SLC71A2: variants seen among roughly 807,000 people sequenced by gnomAD.
The protein encoded by SLC71A2 is solute carrier family 71 member 2, also known as hippocampus abundant transcript-like 1.
the SLC71A2 span, among the ~76,000 whole-genome samples, chr9:94,424,246 G>T: frequency 1.3e-5 from 2 of 148,878 alleles, no homozygotes; most frequent in East Asian, 1.9e-4. Context: ...TTTTGGCGGA[G>T]GGGGGAGCAA....
the SLC71A2 span, among the ~76,000 whole-genome samples, chr9:94,444,274 G>T: frequency 2.2e-4 from 33 of 152,328 alleles, no homozygotes; most frequent in African/African-American, 6.5e-4. Context: ...GGTGGCTTCA[G>T]GTTGTGGGTG....
At chr9:94,430,264 C>G in the SLC71A2 span, among the ~76,000 whole-genome samples, 1 of 149,990 alleles carries the variant, frequency 6.7e-6, no homozygotes, top group African/African-American at 2.5e-5. Flanking sequence ...GCTCTGTTGC[C>G]CAGGCTGGAG....
At chr9:94,400,809 A>G in the SLC71A2 span, among the ~76,000 whole-genome samples, 2 of 152,144 alleles carry the variant, frequency 1.3e-5, no homozygotes, top group African/African-American at 2.4e-5. Context: ...CCGTTTACCT[A>G]TCATTAAAAT....
the SLC71A2 span, among the ~76,000 whole-genome samples, chr9:94,417,761 C>T: frequency 6.6e-6 from 1 of 151,148 alleles, no homozygotes; most frequent in Non-Finnish European, 1.5e-5. Flanking sequence ...TAATGCTTTT[C>T]ATCACGTTTG....
the SLC71A2 span, among the ~76,000 whole-genome samples, chr9:94,410,077 G>A: frequency 4.6e-5 from 7 of 151,452 alleles, no homozygotes; most frequent in Admixed American, 2.6e-4. Flanking sequence ...TATTGATGCC[G>A]GTAGGTGAGG....
chr9:94,456,212 C>T, the SLC71A2 span: 1 of 1,572,838 alleles, frequency 6.4e-7, no homozygotes, highest in African/African-American at 1.3e-5. Context: ...TGACCTGCTG[C>T]CTGACTGTGC....
At chr9:94,459,915 T>TA in the SLC71A2 span, 1 of 154,134 alleles carries the variant, frequency 6.5e-6, no homozygotes, top group Non-Finnish European at 1.4e-5. Flanking sequence ...AGTCACTCAG[T>TA]ATCAGGGATC....
chr9:94,409,438 C>T, the SLC71A2 span, among the ~76,000 whole-genome samples: 1 of 151,584 alleles, frequency 6.6e-6, no homozygotes, highest in African/African-American at 2.4e-5. Flanking sequence ...GCTCACACTG[C>T]ACCCGGCCTG....
the SLC71A2 span, among the ~76,000 whole-genome samples, chr9:94,401,756 G>T: frequency 6.6e-6 from 1 of 151,290 alleles, no homozygotes; most frequent in Non-Finnish European, 1.5e-5. Flanking sequence ...TCCAAGAGAG[G>T]ATTCCTGGAT....
the SLC71A2 span, among the ~76,000 whole-genome samples, chr9:94,436,297 T>C: frequency 6.6e-6 from 1 of 152,190 alleles, no homozygotes; most frequent in Non-Finnish European, 1.5e-5. Context: ...TCAGTGATAT[T>C]TCTCCAGAGG....
At chr9:94,442,649 G>A in the SLC71A2 span, among the ~76,000 whole-genome samples, 1 of 151,684 alleles carries the variant, frequency 6.6e-6, no homozygotes, top group Non-Finnish European at 1.5e-5. Flanking sequence ...TCAAGAAATC[G>A]AGACCATCCT....
the SLC71A2 span, chr9:94,433,035 G>A: frequency 2.5e-5 from 11 of 433,486 alleles, no homozygotes; most frequent in East Asian, 6.5e-4. Flanking sequence ...CACTGGTCCT[G>A]GCACTAGGTC....
chr9:94,397,428 A>G, the SLC71A2 span, among the ~76,000 whole-genome samples: 1 of 152,010 alleles, frequency 6.6e-6, no homozygotes, highest in African/African-American at 2.4e-5. Flanking sequence ...TCAAACAAGC[A>G]AAAATTACCA....
chr9:94,421,732 G>A, the SLC71A2 span, among the ~76,000 whole-genome samples: 1 of 152,084 alleles, frequency 6.6e-6, no homozygotes, highest in African/African-American at 2.4e-5. Context: ...GATTGTTCCA[G>A]TTTGTGCAAA....
At chr9:94,446,106 A>C in the SLC71A2 span, among the ~76,000 whole-genome samples, 1 of 152,192 alleles carries the variant, frequency 6.6e-6, no homozygotes, top group South Asian at 2.1e-4. Flanking sequence ...GATTACTGTT[A>C]ATGTGTGTAA....
chr9:94,441,728 AT>A, the SLC71A2 span, among the ~76,000 whole-genome samples: 3,440 of 152,310 alleles, frequency 0.023, 133 homozygotes, highest in African/African-American at 0.078. Flanking sequence ...TTGGACATAC[AT>A]TTGGAACATG....
the SLC71A2 span, among the ~76,000 whole-genome samples, chr9:94,444,713 C>T: frequency 6.6e-6 from 1 of 152,172 alleles, no homozygotes; most frequent in African/African-American, 2.4e-5. Flanking sequence ...CAGGGTATCT[C>T]CAGTTAATAG....
At chr9:94,444,479 G>C in the SLC71A2 span, among the ~76,000 whole-genome samples, 3 of 152,214 alleles carry the variant, frequency 2.0e-5, no homozygotes, top group Non-Finnish European at 4.4e-5. Context: ...ACCACCAAAT[G>C]ATAAAATGTT....
the SLC71A2 span, among the ~76,000 whole-genome samples, chr9:94,415,465 T>G: frequency 6.6e-6 from 1 of 152,110 alleles, no homozygotes; most frequent in Non-Finnish European, 1.5e-5. Flanking sequence ...AGCACTGCAC[T>G]CTTATTGAAG....
Sources: gnomAD v4.1 joint callset for allele counts (sites outside exome capture counted in the v4.1 genomes callset) on GRCh38, gnomAD v4.1.1 for gene constraint, MANE v1.5 for transcripts, NCBI Gene and HGNC (gene_info 2026-07-23, HGNC 2026-07-21) for gene names.